The following OR51B5 variants were observed in gnomAD, a reference collection of about 807,000 sequenced individuals.
OR51B5 encodes olfactory receptor 51B5.
For missense variants in OR51B5, 456 were observed against 374.6 expected, an observed-to-expected ratio of 1.22 and a Z score of -1.79; for synonymous variants, 186 against 144.8, an observed-to-expected ratio of 1.28 and a Z score of -2.04.
chr11:5,451,919 C>G (rs1428476380), intron 1 of OR51B5, among the ~76,000 whole-genome samples: 1 of 152,074 alleles, frequency 6.6e-6, no homozygotes, highest in Non-Finnish European at 1.5e-5. Context: ...AAAAGTGTGT[C>G]AAAAACAGAA....
At position 5,390,138 on chromosome 11, in the gene OR51B5, G is replaced by A. The variant is rs374323334; in HGVS notation, n.85-43228C>T. On this transcript the variant is annotated intron_variant and non_coding_transcript_variant, in intron 1 of 4. Transcript: ENST00000415970. ...GGCCTGGCCTCCCAAGAGGAGCAGC[G>A]CCGTGCCTTTCAGACATGCACCGCT... is the stretch of plus-strand genomic sequence containing the variant. The A allele has an allele frequency of 1.3e-5, 21 of 1,613,774 alleles. No homozygotes were observed. The East Asian group carries it at 2.0e-4, about 15-fold the overall frequency.
At chr11:5,442,810 C>G (rs1344657637) in intron 1 of OR51B5, among the ~76,000 whole-genome samples, 1 of 152,172 alleles carries the variant, frequency 6.6e-6, no homozygotes, top group Non-Finnish European at 1.5e-5. Flanking sequence ...TCTATGGTCA[C>G]CTAGTGACCT....
intron 1 of OR51B5, chr11:5,441,246 T>C (rs1423010949): frequency 1.2e-6 from 2 of 1,613,826 alleles, no homozygotes; most frequent in African/African-American, 2.7e-5. Flanking sequence ...ATGGTTGTAG[T>C]TGAAGCAGAA....
chr11:5,478,236 C>T (rs567674263), intron 1 of OR51B5, among the ~76,000 whole-genome samples: 1 of 152,138 alleles, frequency 6.6e-6, no homozygotes, highest in South Asian at 2.1e-4. Flanking sequence ...GGGAGGCACC[C>T]CCCAGCAGGG....
At chr11:5,471,513 G>A (rs897500209) in intron 1 of OR51B5, among the ~76,000 whole-genome samples, 3 of 152,014 alleles carry the variant, frequency 2.0e-5, no homozygotes, top group African/African-American at 7.3e-5. Flanking sequence ...ACACATGACT[G>A]TAATCCCAGT....
chr11:5,488,685 AG>A (rs1323757363), intron 1 of OR51B5: 1 of 1,500,034 alleles, frequency 6.7e-7, no homozygotes, highest in African/African-American at 1.4e-5. Context: ...ATTCAGAAAG[AG>A]CCCTTCATTT....
rs185345309 is a variant in OR51B5, at chr11:5,462,129, C to T, written n.84+43440G>A. 2.5e-3 allele frequency among the ~76,000 whole-genome samples: 378 copies of T among 152,236 alleles called. 3 individuals are homozygous for T. Among genetic ancestry groups the T allele is most frequent in the Admixed American group, 4.8e-3 (73 of 15,300 alleles). ...AAAATATGTGAATAATAAAGTAATG[C>T]TTTTGTCTTGCCCTGTCATGGGTAT... is the stretch of plus-strand genomic sequence containing the variant. On this transcript the variant is annotated intron_variant and non_coding_transcript_variant, in intron 1 of 4. Coordinates refer to the OR51B5 transcript ENST00000415970.
upstream of OR51B5, chr11:5,343,574 T>G: frequency 1.5e-6 from 1 of 658,732 alleles, no homozygotes; most frequent in Non-Finnish European, 2.7e-6. Flanking sequence ...ATTACCACAG[T>G]GCACAGTTCT....
chr11:5,390,684 A>C (rs1263253095), intron 1 of OR51B5: 3 of 283,096 alleles, frequency 1.1e-5, no homozygotes, highest in South Asian at 1.6e-4. Flanking sequence ...TAAAAACTAA[A>C]AAGAACAATA....
chr11:5,480,206 C>G (rs1282591896), intron 1 of OR51B5, among the ~76,000 whole-genome samples: 2 of 150,544 alleles, frequency 1.3e-5, no homozygotes, highest in Non-Finnish European at 3.0e-5. Flanking sequence ...AAGAATCTCA[C>G]TCAAAACCAC....
At chr11:5,347,256 T>C (rs760146237), upstream of OR51B5, among the ~76,000 whole-genome samples, 3 of 152,184 alleles carry the variant, frequency 2.0e-5, no homozygotes, top group Admixed American at 1.3e-4. Flanking sequence ...AGAAAGCCTA[T>C]ATATCTTCTT....
intron 1 of OR51B5, among the ~76,000 whole-genome samples, chr11:5,369,200 C>T (rs771854705): frequency 6.9e-5 from 10 of 145,504 alleles, no homozygotes; most frequent in Admixed American, 6.2e-4. Flanking sequence ...ACACATATAA[C>T]CTGAGTCCCT....
At chr11:5,471,236 G>C (rs1851223663) in intron 1 of OR51B5, among the ~76,000 whole-genome samples, 1 of 152,138 alleles carries the variant, frequency 6.6e-6, no homozygotes, top group Non-Finnish European at 1.5e-5. Flanking sequence ...CCCTGTAACT[G>C]TCTGTGTTTC....
At chr11:5,377,613 C>T (rs1357788746) in intron 1 of OR51B5, among the ~76,000 whole-genome samples, 1 of 152,006 alleles carries the variant, frequency 6.6e-6, no homozygotes, top group Non-Finnish European at 1.5e-5. Context: ...TTCAGCAAAG[C>T]CTCAGGATAC....
At chr11:5,490,796 T>G (rs1467389639) in intron 1 of OR51B5, among the ~76,000 whole-genome samples, 2 of 152,230 alleles carry the variant, frequency 1.3e-5, no homozygotes, top group Non-Finnish European at 1.5e-5. Context: ...GCTGCAAGAA[T>G]TAGGGCATCC....
chr11:5,401,433 A>G (rs1849966036), intron 1 of OR51B5, among the ~76,000 whole-genome samples: 1 of 152,150 alleles, frequency 6.6e-6, no homozygotes. Context: ...GACTCCTAGA[A>G]TTTTCAAAAC....
intron 1 of OR51B5, among the ~76,000 whole-genome samples, chr11:5,401,950 C>G (rs1849976945): frequency 6.8e-6 from 1 of 147,700 alleles, no homozygotes; most frequent in South Asian, 2.1e-4. Context: ...ATTCTTTCCT[C>G]TCTTCTTTCC....
intron 1 of OR51B5, among the ~76,000 whole-genome samples, chr11:5,418,414 AAACAAAAC>A (rs1299815955): frequency 2.2e-5 from 1 of 44,978 alleles, no homozygotes; most frequent in Non-Finnish European, 9.2e-5. Flanking sequence ...ATAATAATAA[AAACAAAAC>A]AAAACAAAAC....
chr11:5,504,935 G>C (rs181556051), intron 1 of OR51B5, among the ~76,000 whole-genome samples: 39 of 152,278 alleles, frequency 2.6e-4, no homozygotes, highest in Admixed American at 1.6e-3. Flanking sequence ...AGCTCTAAGA[G>C]GTTATGGCAA....
Sources: gnomAD v4.1 joint callset for allele counts (sites outside exome capture counted in the v4.1 genomes callset) on GRCh38, gnomAD v4.1.1 for gene constraint, MANE v1.5 for transcripts, NCBI Gene and HGNC (gene_info 2026-07-23, HGNC 2026-07-21) for gene names.